The following FANCC variants were observed in gnomAD, a reference collection of about 807,000 sequenced individuals.
FANCC encodes the protein FA complementation group C.
FANCC carries 55 observed loss-of-function variants against 71.3 expected under a neutral mutation model. That is an observed-to-expected ratio of 0.77 (90% confidence interval 0.62 to 0.97). The LOEUF (loss-of-function observed/expected upper bound fraction) is 0.97, where lower values mean the gene tolerates loss of function less well. FANCC is among the 50% of genes least tolerant of loss of function. The pLI, the probability that FANCC is intolerant of heterozygous loss-of-function variation, is 0.00. For synonymous variants in FANCC, 275 were observed against 244.9 expected, an observed-to-expected ratio of 1.12 and a Z score of -1.15; for missense variants, 678 against 670.9, an observed-to-expected ratio of 1.01 and a Z score of -0.12.
intron 4 of FANCC, among the ~76,000 whole-genome samples, chr9:95,219,077 G>A (rs779415720): frequency 6.6e-6 from 1 of 152,176 alleles, no homozygotes; most frequent in Non-Finnish European, 1.5e-5. Flanking sequence ...CAAGGGACTG[G>A]TTCTTCATTG....
chr9:95,139,867 T>C (rs1828362929), intron 7 of FANCC, among the ~76,000 whole-genome samples: 2 of 147,512 alleles, frequency 1.4e-5, no homozygotes, highest in African/African-American at 4.9e-5. Flanking sequence ...TATATATTCA[T>C]TCATTCTGTG....
At chr9:95,201,995 T>C (rs1827833835) in intron 4 of FANCC, among the ~76,000 whole-genome samples, 1 of 152,226 alleles carries the variant, frequency 6.6e-6, no homozygotes, top group Admixed American at 6.5e-5. Context: ...ACCCATTTAA[T>C]GTAATATATA....
At chr9:95,268,751 A>G (rs977239830) in intron 1 of FANCC, among the ~76,000 whole-genome samples, 15 of 152,204 alleles carry the variant, frequency 9.9e-5, no homozygotes, top group Non-Finnish European at 1.6e-4. Flanking sequence ...CAGAGCTCAG[A>G]CAGGCTAGAG....
At chr9:95,220,765 G>A (rs1829201720) in intron 4 of FANCC, among the ~76,000 whole-genome samples, 2 of 152,048 alleles carry the variant, frequency 1.3e-5, no homozygotes, top group Non-Finnish European at 1.5e-5. Context: ...AATACCTAAT[G>A]TAAATGACGA....
Position 95,139,325 on chromosome 9 carries a change from A to ACAGG in FANCC, c.687-3827_687-3824dup, listed in dbSNP as rs1484037494. ...GGGTAGGCAGAGGGTGCGTCTCCTC[A>ACAGG]CAGGCAGGCAGGCACTGGCTTCACA... On this transcript the variant is annotated intron_variant, in intron 7 of 14. Coordinates refer to ENST00000289081, the MANE Select transcript of FANCC (RefSeq NM_000136.3). 5.3e-5 allele frequency among the ~76,000 whole-genome samples: 8 copies of ACAGG among 152,260 alleles called. No homozygotes were observed. In the South Asian group the frequency reaches 1.7e-3, roughly 32 times the overall value.
chr9:95,267,794 T>C (rs1289076463), intron 1 of FANCC, among the ~76,000 whole-genome samples: 1 of 152,006 alleles, frequency 6.6e-6, no homozygotes, highest in Non-Finnish European at 1.5e-5. Context: ...AAAGTATAAA[T>C]TGAAAAGGCA....
intron 4 of FANCC, among the ~76,000 whole-genome samples, chr9:95,234,814 T>C (rs1178529533): frequency 6.6e-6 from 1 of 152,192 alleles, no homozygotes; most frequent in Non-Finnish European, 1.5e-5. Flanking sequence ...CAGCAGGCTT[T>C]AGACCCGGGA....
chr9:95,228,618 A>G (rs921877676), intron 4 of FANCC, among the ~76,000 whole-genome samples: 9 of 152,358 alleles, frequency 5.9e-5, no homozygotes, highest in African/African-American at 7.2e-5. Context: ...GGAGACAGAA[A>G]AAAACCCAGC....
At chr9:95,293,438 A>G (rs1834178284) in intron 1 of FANCC, 2 of 1,568,884 alleles carry the variant, frequency 1.3e-6, no homozygotes, top group African/African-American at 2.7e-5. Context: ...AAGAGAGCCT[A>G]CTTCTTTTCT....
At chr9:95,308,556 G>A (rs1835200856) in intron 1 of FANCC, among the ~76,000 whole-genome samples, 2 of 151,980 alleles carry the variant, frequency 1.3e-5, no homozygotes, top group South Asian at 4.1e-4. Context: ...AAAGTGCTGG[G>A]ATTACAGGCA....
At chr9:95,111,324 A>T in intron 13 of FANCC, 139 bp downstream of exon 13, 1 of 1,596,494 alleles carries the variant, frequency 6.3e-7, no homozygotes, top group South Asian at 1.1e-5. Context: ...CCATGCCTGC[A>T]GGTTGCCATG....
intron 6 of FANCC, among the ~76,000 whole-genome samples, chr9:95,165,376 C>A (rs1353477261): frequency 6.8e-6 from 1 of 148,090 alleles, no homozygotes; most frequent in Non-Finnish European, 1.5e-5. Flanking sequence ...CTTTTTTTTT[C>A]TTCCTTCAAA....
chr9:95,143,745 G>A lies in FANCC; in HGVS notation c.686+6178C>T, dbSNP rs185673437. 1.2e-3 allele frequency among the ~76,000 whole-genome samples: 185 copies of A among 152,290 alleles called. 4 individuals carry two copies. Among genetic ancestry groups the A allele is most frequent in the Admixed American group, 0.012 (183 of 15,296 alleles). On this transcript the variant is annotated intron_variant, in intron 7 of 14. Transcript: ENST00000289081. Reference sequence around the variant, plus strand: ...ATGACCTCAGAGGACATGTCATGCTGTATTACTTATACTCCAGACTTACAA... The same window carrying A: ...ATGACCTCAGAGGACATGTCATGCTATATTACTTATACTCCAGACTTACAA...
At chr9:95,122,896 C>T (rs1825288125) in intron 10 of FANCC, among the ~76,000 whole-genome samples, 1 of 152,178 alleles carries the variant, frequency 6.6e-6, no homozygotes, top group South Asian at 2.1e-4. Flanking sequence ...GCCAGCTGTG[C>T]CTTCCAGCCG....
chr9:95,300,875 T>C lies in FANCC; in HGVS notation c.-79+16651A>G, dbSNP rs141772646. ...CTGGAAAGAGAGCCAGTGGCAAAGA[T>C]AACTCCGCAGCAGGCCAAGGGCTGC... is the stretch of plus-strand genomic sequence containing the variant. On this transcript the variant is annotated intron_variant, in intron 1 of 14. Transcript: ENST00000289081. Among the ~76,000 whole-genome samples the C allele has an allele frequency of 6.5e-4, 99 of 152,242 alleles. No homozygotes were observed. In the East Asian group the frequency reaches 0.017, roughly 26 times the overall value.
intron 4 of FANCC, among the ~76,000 whole-genome samples, chr9:95,212,968 C>T (rs1175735189): frequency 6.6e-6 from 1 of 152,054 alleles, no homozygotes; most frequent in Non-Finnish European, 1.5e-5. Flanking sequence ...AGCCACTGAC[C>T]ACATGGGCAA....
chr9:95,114,625 T>C lies in FANCC; in HGVS notation c.1154+4A>G. The stretch of plus-strand genomic sequence containing the variant: ...AGATTTGGGAGTGGTCAGTGTTTGC[T>C]CACCCATGAGTCTGGTCTTCAACTG... On this transcript the variant is annotated splice_donor_region_variant and intron_variant, in intron 12 of 14. Coordinates refer to ENST00000289081, the MANE Select transcript of FANCC (RefSeq NM_000136.3). 1.2e-6 allele frequency: 2 copies of C among 1,613,394 alleles called. No homozygotes were observed. Among genetic ancestry groups the C allele is most frequent in the Non-Finnish European group, 1.7e-6 (2 of 1,179,296 alleles).
chr9:95,254,643 A>G (rs551512134), intron 1 of FANCC, among the ~76,000 whole-genome samples: 1 of 152,248 alleles, frequency 6.6e-6, no homozygotes, highest in South Asian at 2.1e-4. Flanking sequence ...TAAGCACAAA[A>G]CTGGGCGGCC....
At chr9:95,143,718 G>A (rs1829101715) in intron 7 of FANCC, among the ~76,000 whole-genome samples, 1 of 152,046 alleles carries the variant, frequency 6.6e-6, no homozygotes, top group Non-Finnish European at 1.5e-5. Context: ...CAGTGGATTC[G>A]GATGACCTCA....
Sources: gnomAD v4.1 joint callset for allele counts (sites outside exome capture counted in the v4.1 genomes callset) on GRCh38, gnomAD v4.1.1 for gene constraint, MANE v1.5 for transcripts, NCBI Gene and HGNC (gene_info 2026-07-23, HGNC 2026-07-21) for gene names.